Variants in NKTR observed in about 807,000 individuals in gnomAD.
NKTR encodes the protein natural killer cell triggering receptor.
A neutral mutation model predicts 156.3 loss-of-function variants in NKTR; 67 were observed. The observed-to-expected ratio is 0.43, with a 90% CI of 0.35 to 0.53. NKTR has a LOEUF of 0.53. NKTR is among the 20% of genes least tolerant of loss of function. The pLI is 0.01. For missense variants in NKTR, 1,604 were observed against 1,730.9 expected (o/e 0.93, Z 1.30); for synonymous variants, 640 against 596.6 (o/e 1.07, Z -1.06).
chr3:42,632,685 C>T lies in NKTR; in HGVS notation c.635C>T (p.Ser212Leu), dbSNP rs769156490. 7.4e-6 allele frequency: 12 copies of T among 1,613,754 alleles called. No individual in the cohort carries two copies. Among genetic ancestry groups the T allele is most frequent in the Non-Finnish European group, 1.0e-5 (12 of 1,179,858 alleles). Residue 212 changes from serine (S) to leucine (L), a missense_variant, in exon 9 of 17, where the codon TCA (serine) becomes TTA (leucine). Physicochemically the swap from Ser to Leu is moderately radical, Grantham distance 145. This residue lies in a region of NKTR where 1,255 missense variants were observed against 1,243.7 expected (regional missense o/e 1.01). Coordinates refer to ENST00000232978, the MANE Select transcript of NKTR (RefSeq NM_005385.4). ...SNSSSSSESS[S>L]ESELEHERSR... ...TCCTCCTCTTCTTCAGAATCATCTTCAGAAAGTGAACTTGAACATGAGAGA... is the reference window on the plus strand; with the variant it reads ...TCCTCCTCTTCTTCAGAATCATCTTTAGAAAGTGAACTTGAACATGAGAGA...
At chr3:42,622,928 C>T (rs537354523) in intron 6 of NKTR, among the ~76,000 whole-genome samples, 18 of 152,004 alleles carry the variant, frequency 1.2e-4, no homozygotes, top group African/African-American at 4.3e-4. Flanking sequence ...TTTTAGATTT[C>T]CTTTTTTATA....
chr3:42,636,197 G>A (rs1444346391), intron 12 of NKTR, among the ~76,000 whole-genome samples: 1 of 152,082 alleles, frequency 6.6e-6, no homozygotes, highest in Non-Finnish European at 1.5e-5. Flanking sequence ...TTTTTCTCTG[G>A]GGACATCCTG....
At chr3:42,609,647 G>A (rs1027605867) in intron 2 of NKTR, among the ~76,000 whole-genome samples, 2 of 152,190 alleles carry the variant, frequency 1.3e-5, no homozygotes, top group East Asian at 1.9e-4. Flanking sequence ...TTACTCTAGG[G>A]AATATTGGGC....
At position 42,639,266 on chromosome 3, in the gene NKTR, T is replaced by C. The variant is rs1157778921; in HGVS notation, c.3562T>C (p.Leu1188=). Residue 1188 remains leucine (L), a synonymous_variant, in exon 13 of 17, where the codon TTG becomes CTG. Transcript: ENST00000232978. Reference sequence around the variant, plus strand: ...AAGCAGCATGTCCGAAAGTAAAGTGTTGGGTGAAGTGGGGAAACAGGACAG... The same window carrying C: ...AAGCAGCATGTCCGAAAGTAAAGTGCTGGGTGAAGTGGGGAAACAGGACAG... ...QESSMSESKV[L]GEVGKQDSSS... is the part of the protein sequence containing the mutation. 1 of 1,613,844 alleles carries C rather than the reference T, an allele frequency of 6.2e-7. No homozygotes were observed. The highest frequency in any genetic ancestry group is 1.3e-5 in the African/African-American group (1 of 74,830).
At chr3:42,615,533 A>T (rs1358502305) in intron 2 of NKTR, among the ~76,000 whole-genome samples, 1 of 152,172 alleles carries the variant, frequency 6.6e-6, no homozygotes, top group African/African-American at 2.4e-5. Flanking sequence ...AACTAAAAAC[A>T]TTTGAAACTT....
At chr3:42,629,217 TTC>T in intron 6 of NKTR, 4 of 984,680 alleles carry the variant, frequency 4.1e-6, no homozygotes, top group Non-Finnish European at 4.8e-6. Context: ...ATAGTTTTTG[TTC>T]TGTTTTCTTT....
chr3:42,638,969 C>G lies in NKTR; in HGVS notation c.3265C>G (p.Leu1089Val), dbSNP rs1279852754. Residue 1089 changes from leucine (L) to valine (V), a missense_variant, in exon 13 of 17, where the codon CTC becomes GTC. Coordinates refer to ENST00000232978, the MANE Select transcript of NKTR (RefSeq NM_005385.4). ...TCAGTTTACTAAAGATGATAGTAAA[C>G]TCAGTATTTCTCCCACAGCTTTAAA... ...LDQFTKDDSK[L>V]SISPTALNTE... 6.2e-7 allele frequency: 1 copy of G among 1,613,472 alleles called. No individual in the cohort carries two copies. Among genetic ancestry groups the G allele is most frequent in the African/African-American group, 1.3e-5 (1 of 74,864 alleles).
At chr3:42,606,793 A>G (rs1186875590) in intron 2 of NKTR, among the ~76,000 whole-genome samples, 1 of 151,984 alleles carries the variant, frequency 6.6e-6, no homozygotes, top group Non-Finnish European at 1.5e-5. Context: ...GGATTGCTTG[A>G]GCATAGGAGT....
intron 5 of NKTR, 157 bp from the exon 6 acceptor site, chr3:42,621,272 T>C: frequency 7.6e-7 from 1 of 1,323,356 alleles, no homozygotes; most frequent in African/African-American, 1.5e-5. Flanking sequence ...GCTTTTGTTA[T>C]TTGATTAGCT....
chr3:42,643,608 CA>C (rs1710100006), intron 15 of NKTR: 2 of 623,434 alleles, frequency 3.2e-6, no homozygotes, highest in Admixed American at 5.4e-5. Context: ...ATTGTAATGG[CA>C]GGTGTTTATT....
In NKTR at chr3:42,643,451, G is replaced by A. The variant is rs1427687946; in HGVS notation, c.4199+56G>A. ...GGGCAGAACTGAAAGATCTTGTTTTGTAAACTGTTTGTTCAAAGTGGTATT... is the reference window on the plus strand; with the variant it reads ...GGGCAGAACTGAAAGATCTTGTTTTATAAACTGTTTGTTCAAAGTGGTATT... On this transcript the variant is annotated intron_variant, in intron 15 of 16. Coordinates refer to ENST00000232978, the MANE Select transcript of NKTR (RefSeq NM_005385.4). 7.8e-6 allele frequency: 11 copies of A among 1,404,086 alleles called. No homozygotes were observed. The African/African-American group carries it at 1.1e-4, about 14-fold the overall frequency. 87.0% of individuals were successfully genotyped at this position (1,404,086 alleles called of 1,614,324 possible). A position where few individuals can be genotyped will look rare whatever the true frequency, so the allele number is the denominator to read the frequency against.
chr3:42,600,978 T>C lies in NKTR; in HGVS notation c.-23-6T>C. The stretch of plus-strand genomic sequence containing the variant: ...CCCTGACCGCTTTTCTCCCCCTCTC[T>C]CCCAGCTCTTGCCGCCACCTCGGTC... On this transcript the variant is annotated splice_polypyrimidine_tract_variant and splice_region_variant and intron_variant, in intron 1 of 16. Coordinates refer to ENST00000232978, the MANE Select transcript of NKTR (RefSeq NM_005385.4). The C allele has an allele frequency of 2.0e-6, 3 of 1,517,346 alleles. No individual in the cohort carries two copies. Among genetic ancestry groups the C allele is most frequent in the Non-Finnish European group, 2.7e-6 (3 of 1,127,758 alleles). The allele number at this position is 1,517,346 out of a possible 1,614,324, so 94.0% of individuals were successfully genotyped here.
chr3:42,631,416 G>A, intron 8 of NKTR, 100 bp downstream of exon 8: 1 of 1,307,820 alleles, frequency 7.6e-7, no homozygotes, highest in Non-Finnish European at 1.0e-6. Flanking sequence ...TATAGCAATA[G>A]CCCTTGGTGC....
chr3:42,617,860 GAGTA>G (rs1707525697), intron 3 of NKTR, among the ~76,000 whole-genome samples: 1 of 152,028 alleles, frequency 6.6e-6, no homozygotes, highest in Admixed American at 6.6e-5. Context: ...ATGAAAAAGA[GAGTA>G]AGAATCTACG....
intron 11 of NKTR, 50 bp from the exon 12 acceptor site, chr3:42,635,156 TCTGTCACATAGCAGA>T (rs1709277565): frequency 7.6e-7 from 1 of 1,318,840 alleles, no homozygotes; most frequent in Non-Finnish European, 1.0e-6. Context: ...TTTACTTAAC[TCTGTCACATAGCAGA>T]CTGTCGTGGA....
intron 8 of NKTR, among the ~76,000 whole-genome samples, chr3:42,631,894 A>G (rs1415535788): frequency 1.3e-5 from 2 of 151,856 alleles, no homozygotes; most frequent in African/African-American, 4.8e-5. Flanking sequence ...TGTGCTGCCT[A>G]TTCTCTTTGT....
At chr3:42,629,605 C>T in intron 6 of NKTR, 1 of 979,932 alleles carries the variant, frequency 1.0e-6, no homozygotes, top group Non-Finnish European at 1.2e-6. Context: ...ATTTTTCTCT[C>T]TTTCAAATTT....
intron 2 of NKTR, 53 bp downstream of exon 2, chr3:42,601,117 G>A (rs1051933846): frequency 4.3e-5 from 63 of 1,462,612 alleles, no homozygotes; most frequent in Non-Finnish European, 5.6e-5. Context: ...CTTGGCGAAG[G>A]GGAGGGGTCT....
At chr3:42,626,362 A>C (rs574417846) in intron 6 of NKTR, among the ~76,000 whole-genome samples, 30 of 152,268 alleles carry the variant, frequency 2.0e-4, no homozygotes, top group African/African-American at 7.2e-4. Context: ...GAGTAGTAAT[A>C]GATTTATTTG....
Sources: allele counts gnomAD v4.1 joint callset (sites outside exome capture counted in the v4.1 genomes callset), GRCh38; gene constraint gnomAD v4.1.1; regional missense constraint gnomAD v4.1.1; transcripts MANE v1.5; gene names NCBI Gene and HGNC (gene_info 2026-07-23, HGNC 2026-07-21).